SMARCAL1: variants seen among roughly 807,000 people sequenced by gnomAD.
The protein encoded by SMARCAL1 is ATP-driven annealing helicase.
A neutral mutation model predicts 94.5 loss-of-function variants in SMARCAL1; 58 were observed. That is an observed-to-expected ratio of 0.61 (90% CI 0.50 to 0.76). The LOEUF (loss-of-function observed/expected upper bound fraction) is 0.76. Ranked by LOEUF, SMARCAL1 falls within the 30% of genes least tolerant of loss-of-function variation. The pLI, the probability that SMARCAL1 is intolerant of heterozygous loss-of-function variation, is 0.00. For synonymous variants in SMARCAL1, 422 were observed against 455.1 expected, an observed-to-expected ratio of 0.93 and a Z score of 0.93; for missense variants, 1,051 against 1,177.9, an observed-to-expected ratio of 0.89 and a Z score of 1.58.
At chr2:216,439,180 G>A (rs975330316) in intron 10 of SMARCAL1, among the ~76,000 whole-genome samples, 3 of 152,086 alleles carry the variant, frequency 2.0e-5, no homozygotes, top group South Asian at 2.1e-4. Context: ...GCAAGCAGGC[G>A]TGGGTATGTG....
At chr2:216,459,306 A>T (rs1694644864) in intron 12 of SMARCAL1, among the ~76,000 whole-genome samples, 1 of 152,188 alleles carries the variant, frequency 6.6e-6, no homozygotes, top group Non-Finnish European at 1.5e-5. Context: ...GCTACCAATG[A>T]CTTTCTTCAC....
intron 12 of SMARCAL1, among the ~76,000 whole-genome samples, chr2:216,454,699 TA>T (rs1292386171): frequency 6.6e-6 from 1 of 152,130 alleles, no homozygotes; most frequent in Non-Finnish European, 1.5e-5. Context: ...TACTATACTA[TA>T]AAAAAGAATC....
chr2:216,437,049 A>T (rs1024307623), intron 9 of SMARCAL1, among the ~76,000 whole-genome samples: 3 of 152,236 alleles, frequency 2.0e-5, no homozygotes, highest in African/African-American at 7.2e-5. Context: ...GTTAAGTAAG[A>T]GCTCTGTCCT....
At chr2:216,461,953 T>C (rs897684183) in intron 12 of SMARCAL1, among the ~76,000 whole-genome samples, 2 of 152,236 alleles carry the variant, frequency 1.3e-5, no homozygotes, top group African/African-American at 2.4e-5. Context: ...TTCTGAGTAA[T>C]ACTGTACTGA....
intron 11 of SMARCAL1, among the ~76,000 whole-genome samples, chr2:216,450,206 C>T (rs750761384): frequency 6.6e-5 from 10 of 152,282 alleles, no homozygotes; most frequent in Non-Finnish European, 1.0e-4. Flanking sequence ...CACTGCCTCC[C>T]GTGAGCTCCT....
At chr2:216,431,979 G>A (rs1298323161) in intron 7 of SMARCAL1, among the ~76,000 whole-genome samples, 3 of 152,056 alleles carry the variant, frequency 2.0e-5, no homozygotes, top group African/African-American at 7.2e-5. Flanking sequence ...TCTTCAGAAA[G>A]CCTTCTTTTC....
At chr2:216,472,662 G>A (rs200452473) in intron 14 of SMARCAL1, among the ~76,000 whole-genome samples, 9 of 145,938 alleles carry the variant, frequency 6.2e-5, no homozygotes, top group Non-Finnish European at 7.5e-5. Flanking sequence ...CTCCCAGTAG[G>A]AAAAAAAAAA....
rs1695048120 is a variant in SMARCAL1, at chr2:216,475,320, G to A, written c.2296G>A (p.Asp766Asn). Reference protein sequence around the residue: ...DGSTSSAEREDLCQQFQLSER... With the variant: ...DGSTSSAERENLCQQFQLSER... Reference sequence around the variant, plus strand: ...CTCCACCTCATCAGCTGAGCGGGAGGACCTGTGCCAGCAGTTCCAACTGTC... The same window carrying A: ...CTCCACCTCATCAGCTGAGCGGGAGAACCTGTGCCAGCAGTTCCAACTGTC... The change falls in exon 15 of 18, where the codon GAC becomes AAC. Residue 766 changes from aspartate to asparagine, a missense_variant. Asp to Asn is a conservative substitution (Grantham distance 23). Around this residue, in one of 3 missense-constraint regions of SMARCAL1, gnomAD observed 642 missense variants for 754.7 expected, o/e 0.85. Coordinates refer to ENST00000357276, the MANE Select transcript of SMARCAL1 (RefSeq NM_014140.4). The surrounding 1 kb of genome is among the most constrained non-coding windows in gnomAD (Gnocchi z 4.4). 1.9e-6 allele frequency: 3 copies of A among 1,614,080 alleles called. No individual in the cohort carries two copies. The highest frequency in any genetic ancestry group is 2.5e-6 in the Non-Finnish European group (3 of 1,180,040).
chr2:216,475,499 G>C lies in SMARCAL1; in HGVS notation c.2427+48G>C, dbSNP rs768259574. 7 of 1,590,882 alleles carry C rather than the reference G, an allele frequency of 4.4e-6. No homozygotes were observed. The highest frequency in any genetic ancestry group is 5.2e-6 in the Non-Finnish European group (6 of 1,158,786). On this transcript the variant is annotated intron_variant, in intron 15 of 17. Coordinates refer to ENST00000357276, the MANE Select transcript of SMARCAL1 (RefSeq NM_014140.4). The surrounding 1 kb of genome is among the most constrained non-coding windows in gnomAD (Gnocchi z 4.4). ...ATACTCCCCAGGCATGCTCATGGCT[G>C]TGGGCAGGAAGCAGTGAGTGTCGGT...
intron 13 of SMARCAL1, among the ~76,000 whole-genome samples, chr2:216,465,903 C>T (rs1160828008): frequency 6.6e-6 from 1 of 152,188 alleles, no homozygotes; most frequent in Non-Finnish European, 1.5e-5. Context: ...GAGCTCCCCA[C>T]ACCACTCGAT....
rs909536305 is a variant in SMARCAL1, at chr2:216,432,829, G to A, written c.1446G>A (p.Leu482=). The A allele has an allele frequency of 6.2e-7, 1 of 1,614,116 alleles. No individual in the cohort carries two copies. Among genetic ancestry groups the A allele is most frequent in the East Asian group, 2.2e-5 (1 of 44,898 alleles). Residue 482 remains leucine (L), a synonymous_variant, in exon 8 of 18, where the codon CTG becomes CTA. Transcript: ENST00000357276. ...TTTACCGGAAGGAGTGGCCGCTCCT[G>A]GTGGTGGTGCCATCCTCCGTGCGCT... is the stretch of plus-strand genomic sequence containing the variant. The part of the protein sequence containing the change: ...AAFYRKEWPL[L]VVVPSSVRFT...
At chr2:216,476,809 TC>T (rs1695091834) in intron 15 of SMARCAL1, among the ~76,000 whole-genome samples, 1 of 152,206 alleles carries the variant, frequency 6.6e-6, no homozygotes. Context: ...AGCCTGTGCC[TC>T]TTCATTTGCA....
chr2:216,461,092 ATG>A (rs962222971), intron 12 of SMARCAL1, among the ~76,000 whole-genome samples: 1 of 117,100 alleles, frequency 8.5e-6, no homozygotes, highest in African/African-American at 3.2e-5. Context: ...GTGTGTGTGT[ATG>A]TGTGTGTGTA....
At chr2:216,476,512 C>T (rs941971576) in intron 15 of SMARCAL1, among the ~76,000 whole-genome samples, 4 of 152,042 alleles carry the variant, frequency 2.6e-5, no homozygotes, top group Admixed American at 1.3e-4. Flanking sequence ...GGGGTTTCAC[C>T]ATGTTGCTCA....
At chr2:216,454,699 T>C (rs1391850888) in intron 12 of SMARCAL1, among the ~76,000 whole-genome samples, 3 of 152,130 alleles carry the variant, frequency 2.0e-5, no homozygotes, top group Non-Finnish European at 4.4e-5. Flanking sequence ...TACTATACTA[T>C]AAAAAAGAAT....
intron 12 of SMARCAL1, chr2:216,451,637 C>T (rs1694453597): frequency 7.3e-6 from 1 of 136,920 alleles, no homozygotes; most frequent in Non-Finnish European, 1.7e-5. Context: ...GCAGTTTGCC[C>T]AGGGTCTCTT....
intron 12 of SMARCAL1, among the ~76,000 whole-genome samples, chr2:216,463,026 A>G (rs993352146): frequency 6.6e-6 from 1 of 152,194 alleles, no homozygotes; most frequent in African/African-American, 2.4e-5. Context: ...TTAACCAGAC[A>G]GCTTTTTCCT....
At position 216,435,400 on chromosome 2, in the gene SMARCAL1, G is replaced by A; in HGVS notation, c.1548G>A (p.Lys516=). ...PDCINVVVTG[K]DRLTAGLINI... is the part of the protein sequence containing the mutation. ...GCATCAACGTCGTGGTGACTGGGAAGGACCGCCTGACAGCTGGCCTGATCA... is the reference window on the plus strand; with the variant it reads ...GCATCAACGTCGTGGTGACTGGGAAAGACCGCCTGACAGCTGGCCTGATCA... Residue 516 remains lysine (K), a synonymous_variant, in exon 9 of 18, where the codon AAG becomes AAA. Coordinates refer to ENST00000357276, the MANE Select transcript of SMARCAL1 (RefSeq NM_014140.4). The A allele has an allele frequency of 6.2e-7, 1 of 1,614,208 alleles. No individual in the cohort carries two copies. Among genetic ancestry groups the A allele is most frequent in the Non-Finnish European group, 8.5e-7 (1 of 1,180,020 alleles).
chr2:216,420,304 G>A lies in SMARCAL1; in HGVS notation c.868G>A (p.Ala290Thr), dbSNP rs1479574863. 3 of 1,613,620 alleles carry A rather than the reference G, an allele frequency of 1.9e-6. No homozygotes were observed. Among genetic ancestry groups the A allele is most frequent in the Admixed American group, 1.7e-5 (1 of 59,980 alleles). Residue 290 changes from alanine (A) to threonine (T), a missense_variant, in exon 5 of 18, where the codon GCA becomes ACA. Physicochemically the swap from Ala to Thr is moderately conservative, Grantham distance 58. Coordinates refer to ENST00000357276, the MANE Select transcript of SMARCAL1 (RefSeq NM_014140.4). ...CGATTCTTCTTCTTTGGCAGTGAAAGCAGCCCAGAGCCTCCCCACGGTCAA... is the reference window on the plus strand; with the variant it reads ...CGATTCTTCTTCTTTGGCAGTGAAAACAGCCCAGAGCCTCCCCACGGTCAA... ...SMNDYSALMK[A>T]AQSLPTVNLQ... is the part of the protein sequence containing the mutation.
Sources: allele counts gnomAD v4.1 joint callset (sites outside exome capture counted in the v4.1 genomes callset), GRCh38; gene constraint gnomAD v4.1.1; regional missense constraint gnomAD v4.1.1; non-coding constraint Gnocchi (gnomAD v3.1); transcripts MANE v1.5; gene names NCBI Gene and HGNC (gene_info 2026-07-23, HGNC 2026-07-21).